The following DNAH11 variants were observed in gnomAD, a reference collection of about 807,000 sequenced individuals.
DNAH11 encodes dynein axonemal heavy chain 11, also known as axonemal beta dynein heavy chain 11.
In DNAH11, 442 loss-of-function variants were observed where a neutral mutation model predicts 526.0. The ratio of observed to expected loss-of-function variants is 0.84; its 90% CI spans 0.78 to 0.91. The LOEUF (loss-of-function observed/expected upper bound fraction) is 0.91. Ranked by LOEUF, DNAH11 falls within the 40% of genes least tolerant of loss-of-function variation. The pLI, the probability that DNAH11 is intolerant of heterozygous loss-of-function variation, is 0.00. For missense variants in DNAH11, 6,989 were observed against 5,448.7 expected (o/e 1.28, Z -8.90); for synonymous variants, 2,461 against 1,935.9 (o/e 1.27, Z -7.12).
At chr7:21,882,132 G>GAA (rs1783946623) in intron 75 of DNAH11, among the ~76,000 whole-genome samples, 3 of 152,192 alleles carry the variant, frequency 2.0e-5, no homozygotes, top group Admixed American at 2.0e-4. Context: ...CTGCAACCGG[G>GAA]AATAGAATCG....
At chr7:21,636,201 G>A in intron 26 of DNAH11, 106 bp downstream of exon 26, 1 of 951,742 alleles carries the variant, frequency 1.1e-6, no homozygotes, top group Non-Finnish European at 1.5e-6. Context: ...TGAGTAAGCA[G>A]GAGTCAGGAG....
chr7:21,900,842 C>G (rs972191029), intron 81 of DNAH11, 165 bp from the exon 82 acceptor site: 30 of 1,180,648 alleles, frequency 2.5e-5, no homozygotes, highest in Non-Finnish European at 3.4e-5. Context: ...GCAGGGTAAC[C>G]TACCTTTCAA....
At chr7:21,716,835 A>G (rs1485840061) in intron 42 of DNAH11, among the ~76,000 whole-genome samples, 1 of 152,208 alleles carries the variant, frequency 6.6e-6, no homozygotes, top group South Asian at 2.1e-4. Context: ...TATAAATTTC[A>G]TCAGAGTGTA....
rs1782655632 is a variant in DNAH11, at chr7:21,543,311, C to G, written c.66C>G (p.Thr22=). ...DFREAPTLRL[T]SGAGLEAVGA... is the part of the protein sequence containing the mutation. ...GAGAAGCCCCGACCCTTCGCCTAAC[C>G]TCGGGGGCCGGCCTGGAGGCAGTGG... Residue 22 remains threonine (T), a synonymous_variant, in exon 1 of 82, where the codon ACC becomes ACG. Coordinates refer to ENST00000409508, the MANE Select transcript of DNAH11 (RefSeq NM_001277115.2). 3 of 1,549,924 alleles carry G rather than the reference C, an allele frequency of 1.9e-6. No individual in the cohort carries two copies. The highest frequency in any genetic ancestry group is 2.6e-6 in the Non-Finnish European group (3 of 1,146,392).
chr7:21,616,367 A>G (rs1409365079), intron 22 of DNAH11, 75 bp downstream of exon 22: 6 of 1,196,238 alleles, frequency 5.0e-6, no homozygotes, highest in East Asian at 2.4e-5. Context: ...CTAATCTAGT[A>G]TCTGGTGTAT....
rs754095935 is a variant in DNAH11 at position 21,711,779 on chromosome 7, A to T, written c.6902A>T (p.His2301Leu). The T allele has an allele frequency of 6.2e-7, 1 of 1,613,762 alleles. No homozygotes were observed. Among genetic ancestry groups the T allele is most frequent in the Non-Finnish European group, 8.5e-7 (1 of 1,179,832 alleles). The part of the protein sequence containing the change: ...TPFMRLLFEI[H>L]HLRSATPATV... ...TTCATGAGGCTTCTGTTTGAGATAC[A>T]TCACTTAAGGAGCGCAACCCCGGCC... The change falls in exon 42 of 82, where the codon CAT (histidine) becomes CTT (leucine). Residue 2301 changes from histidine (H) to leucine (L), a missense_variant. Transcript: ENST00000409508.
intron 77 of DNAH11, 105 bp downstream of exon 77, chr7:21,892,772 T>TAA: frequency 7.8e-7 from 1 of 1,288,982 alleles, no homozygotes; most frequent in Non-Finnish European, 1.0e-6. Flanking sequence ...ACCTAGGTTT[T>TAA]ACTCATACAA....
At position 21,816,566 on chromosome 7, in the gene DNAH11, A is replaced by G; in HGVS notation, c.10432A>G (p.Met3478Val). 1 of 1,613,412 alleles carries G rather than the reference A, an allele frequency of 6.2e-7. No homozygotes were observed. Reference sequence around the variant, plus strand: ...TAACGAAGGACTGCCCAGTGACAGAATGTCCACCGAAAATGCCGCTATCCT... The same window carrying G: ...TAACGAAGGACTGCCCAGTGACAGAGTGTCCACCGAAAATGCCGCTATCCT... ...WNNEGLPSDRMSTENAAILTH... is the reference protein window; with the variant it reads ...WNNEGLPSDRVSTENAAILTH... The change falls in exon 64 of 82, where the codon ATG (methionine) becomes GTG (valine). Residue 3478 changes from methionine to valine, a missense_variant. Coordinates refer to ENST00000409508, the MANE Select transcript of DNAH11 (RefSeq NM_001277115.2).
chr7:21,900,124 A>G lies in DNAH11; in HGVS notation c.13303+4A>G. ...CTCCACGGACTCTTCATGGAGGGTA[A>G]GACACCCCAAGGGGTAAGTGGGGAA... On this transcript the variant is annotated splice_donor_region_variant and intron_variant, in intron 81 of 81. Transcript: ENST00000409508. 1 of 1,609,376 alleles carries G rather than the reference A, an allele frequency of 6.2e-7. No homozygotes were observed. Among genetic ancestry groups the G allele is most frequent in the Non-Finnish European group, 8.5e-7 (1 of 1,177,322 alleles).
intron 28 of DNAH11, among the ~76,000 whole-genome samples, chr7:21,646,634 C>T (rs957506858): frequency 3.9e-5 from 6 of 152,164 alleles, no homozygotes; most frequent in Admixed American, 6.5e-5. Context: ...AAAGAACTAT[C>T]AGGTGCCCAG....
chr7:21,728,274 T>G (rs1583634455), intron 45 of DNAH11, among the ~76,000 whole-genome samples: 2 of 67,586 alleles, frequency 3.0e-5, no homozygotes, highest in Non-Finnish European at 5.7e-5. Context: ...TTTTTTTTTT[T>G]TGAGACAGAG....
chr7:21,857,336 T>C (rs866639979), intron 68 of DNAH11, among the ~76,000 whole-genome samples: 1 of 152,144 alleles, frequency 6.6e-6, no homozygotes. Flanking sequence ...ACTAAATAGA[T>C]ACACCATGTT....
At chr7:21,726,935 C>CTTTTTTTTTTTT (rs1330445927) in intron 45 of DNAH11, among the ~76,000 whole-genome samples, 3,132 of 31,964 alleles carry the variant, frequency 0.098, 1,193 homozygotes, top group Middle Eastern at 0.22. Flanking sequence ...ATCCTCTTTT[C>CTTTTTTTTTTTT]TTTTTTTTTT....
rs113432492 is a variant in DNAH11, at chr7:21,582,673, G to A, written c.1710+652G>A. ...CCAGATGAAAAGCTTATAATATGAG[G>A]AATAGCAACACCATGTAAAACTTGC... On this transcript the variant is annotated intron_variant, in intron 9 of 81. Transcript: ENST00000409508. Among the ~76,000 whole-genome samples the A allele has an allele frequency of 4.4e-3, 664 of 151,984 alleles. 3 individuals are homozygous for A. The highest frequency in any genetic ancestry group is 7.2e-3 in the Admixed American group (109 of 15,238).
chr7:21,600,665 C>T lies in DNAH11; in HGVS notation c.3001-11C>T, dbSNP rs1785044072. On this transcript the variant is annotated splice_polypyrimidine_tract_variant and intron_variant, in intron 15 of 81. Transcript: ENST00000409508. ...TTTGAATAGTAAGTGCTGTGTTTTCCTCTCATTTAGAATGATATGGATAAC... is the reference window on the plus strand; with the variant it reads ...TTTGAATAGTAAGTGCTGTGTTTTCTTCTCATTTAGAATGATATGGATAAC... 6.3e-7 allele frequency: 1 copy of T among 1,584,480 alleles called. No individual in the cohort carries two copies. Among genetic ancestry groups the T allele is most frequent in the East Asian group, 2.2e-5 (1 of 44,470 alleles).
In DNAH11 at chr7:21,683,804, T is replaced by C; in HGVS notation, c.5481T>C (p.Phe1827=). The change falls in exon 32 of 82, where the codon TTT becomes TTC. Residue 1827 remains phenylalanine (F), a synonymous_variant. Coordinates refer to ENST00000409508, the MANE Select transcript of DNAH11 (RefSeq NM_001277115.2). ...TTTAGGTTGTCAGTCCCCAAGCTTT[T>C]ACATGGCTGTCTCAACTTCGTCACC... is the stretch of plus-strand genomic sequence containing the variant. ...ISQKVVSPQA[F]TWLSQLRHRW... 1 of 1,610,276 alleles carries C rather than the reference T, an allele frequency of 6.2e-7. No individual in the cohort carries two copies. The highest frequency in any genetic ancestry group is 8.5e-7 in the Non-Finnish European group (1 of 1,177,896).
At position 21,861,910 on chromosome 7, in the gene DNAH11, C is replaced by G. The variant is rs372918576; in HGVS notation, c.11260C>G (p.Gln3754Glu). Residue 3754 changes from glutamine (Q) to glutamate (E), a missense_variant, in exon 69 of 82, where the codon CAG becomes GAG. Physicochemically the swap from Gln to Glu is conservative, Grantham distance 29. Coordinates refer to ENST00000409508, the MANE Select transcript of DNAH11 (RefSeq NM_001277115.2). ...IEQADKVEDM[Q>E]GRISILMESI... ...GCAGGCTGACAAGGTGGAAGACATGCAGGGACGCATCTCTATCCTGATGGA... is the reference window on the plus strand; with the variant it reads ...GCAGGCTGACAAGGTGGAAGACATGGAGGGACGCATCTCTATCCTGATGGA... The G allele has an allele frequency of 5.0e-5, 80 of 1,613,380 alleles. No individual in the cohort carries two copies. In the Middle Eastern group the frequency reaches 8.2e-4, roughly 17 times the overall value.
intron 59 of DNAH11, 138 bp downstream of exon 59, chr7:21,786,905 T>C (rs1405166093): frequency 4.6e-6 from 6 of 1,303,026 alleles, no homozygotes; most frequent in Non-Finnish European, 6.3e-6. Flanking sequence ...CTACTGTATA[T>C]GTTCTCTAGA....
At position 21,786,761 on chromosome 7, in the gene DNAH11, G is replaced by T. The variant is rs1348699797; in HGVS notation, c.9735G>T (p.Met3245Ile). The change falls in exon 59 of 82, where the codon ATG (methionine) becomes ATT (isoleucine). Residue 3245 changes from methionine to isoleucine, a missense_variant. Coordinates refer to ENST00000409508, the MANE Select transcript of DNAH11 (RefSeq NM_001277115.2). ...DRSWKAAKVF[M>I]GKVDDFLQAL... ...GTTGGAAAGCAGCTAAAGTCTTCAT[G>T]GGAAAGGTATCAGCCCAGCCTGGCA... 1.2e-6 allele frequency: 2 copies of T among 1,613,692 alleles called. No homozygotes were observed. Among genetic ancestry groups the T allele is most frequent in the Admixed American group, 3.3e-5 (2 of 60,014 alleles).
Sources: allele counts gnomAD v4.1 joint callset (sites outside exome capture counted in the v4.1 genomes callset), GRCh38; gene constraint gnomAD v4.1.1; transcripts MANE v1.5; gene names NCBI Gene and HGNC (gene_info 2026-07-23, HGNC 2026-07-21).